The following ENTREP2 variants were observed in gnomAD, a reference collection of about 807,000 sequenced individuals.
ENTREP2 encodes endosomal transmembrane epsin interactor 2.
At chr15:29,460,900 C>T in the ENTREP2 span, among the ~76,000 whole-genome samples, 1 of 152,148 alleles carries the variant, frequency 6.6e-6, no homozygotes, top group Non-Finnish European at 1.5e-5. Flanking sequence ...TTTCTACGAA[C>T]TCTAGCAGGA....
the ENTREP2 span, among the ~76,000 whole-genome samples, chr15:29,502,231 G>GCTAC: frequency 1.3e-5 from 2 of 151,892 alleles, no homozygotes; most frequent in Non-Finnish European, 2.9e-5. Flanking sequence ...TTACTACAAT[G>GCTAC]CTACAGTAAT....
chr15:29,549,067 A>G, the ENTREP2 span, among the ~76,000 whole-genome samples: 2 of 152,144 alleles, frequency 1.3e-5, no homozygotes, highest in Admixed American at 6.5e-5. Context: ...AATCCTGTTC[A>G]TGTAAGACGA....
the ENTREP2 span, among the ~76,000 whole-genome samples, chr15:29,250,398 T>A: frequency 2.6e-5 from 4 of 152,282 alleles, no homozygotes; most frequent in Admixed American, 1.3e-4. Context: ...AACAGATGTA[T>A]GTGAGAGTAC....
the ENTREP2 span, among the ~76,000 whole-genome samples, chr15:29,341,769 G>A: frequency 6.6e-6 from 1 of 152,050 alleles, no homozygotes; most frequent in African/African-American, 2.4e-5. Context: ...GAAAAGAACC[G>A]GGAGAAGCAC....
the ENTREP2 span, among the ~76,000 whole-genome samples, chr15:29,313,982 C>G: frequency 1.3e-5 from 2 of 152,056 alleles, no homozygotes; most frequent in African/African-American, 4.8e-5. Flanking sequence ...TCAAAATTTC[C>G]GTGGAGGAAG....
chr15:29,590,556 C>A, the ENTREP2 span, among the ~76,000 whole-genome samples: 1 of 151,648 alleles, frequency 6.6e-6, no homozygotes, highest in Non-Finnish European at 1.5e-5. Context: ...TGGTGGCAGG[C>A]ACCTGTAGTC....
At chr15:29,339,632 A>C in the ENTREP2 span, among the ~76,000 whole-genome samples, 1 of 152,276 alleles carries the variant, frequency 6.6e-6, no homozygotes, top group Non-Finnish European at 1.5e-5. Context: ...AGTGGCCCCC[A>C]GCAGCACTCC....
the ENTREP2 span, among the ~76,000 whole-genome samples, chr15:29,154,469 A>G: frequency 6.6e-6 from 1 of 152,040 alleles, no homozygotes; most frequent in South Asian, 2.1e-4. Context: ...GAAAAAAAAA[A>G]GATTTAGAAT....
chr15:29,644,524 C>A, the ENTREP2 span, among the ~76,000 whole-genome samples: 6 of 152,136 alleles, frequency 3.9e-5, no homozygotes, highest in Middle Eastern at 3.2e-3. Flanking sequence ...GAGTCCTGGC[C>A]GGGCGCGGTG....
the ENTREP2 span, among the ~76,000 whole-genome samples, chr15:29,254,457 A>G: frequency 2.2e-3 from 333 of 152,282 alleles, no homozygotes; most frequent in African/African-American, 7.7e-3. Flanking sequence ...GATTGCTTAT[A>G]TGTGTGCAGT....
the ENTREP2 span, among the ~76,000 whole-genome samples, chr15:29,223,044 T>C: frequency 6.6e-6 from 1 of 152,122 alleles, no homozygotes; most frequent in Non-Finnish European, 1.5e-5. Context: ...CTTAACAAAT[T>C]ACTCTCCGTT....
the ENTREP2 span, among the ~76,000 whole-genome samples, chr15:29,485,967 T>C: frequency 1.3e-5 from 2 of 152,130 alleles, no homozygotes; most frequent in South Asian, 4.1e-4. Flanking sequence ...CTCAAAAAAG[T>C]AAAAACAGAA....
the ENTREP2 span, among the ~76,000 whole-genome samples, chr15:29,167,720 G>A: frequency 1.3e-5 from 2 of 152,198 alleles, no homozygotes; most frequent in Non-Finnish European, 2.9e-5. Context: ...CTGCTGGTGG[G>A]AATGTAAACT....
At chr15:29,655,056 C>A in the ENTREP2 span, among the ~76,000 whole-genome samples, 5 of 152,170 alleles carry the variant, frequency 3.3e-5, no homozygotes, top group Non-Finnish European at 5.9e-5. Context: ...GCTGCACCAT[C>A]TCAACAAACA....
chr15:29,358,775 C>T, the ENTREP2 span, among the ~76,000 whole-genome samples: 2 of 151,426 alleles, frequency 1.3e-5, no homozygotes, highest in African/African-American at 4.9e-5. Context: ...ACAGAAGTGC[C>T]GAAGAAACGT....
the ENTREP2 span, chr15:29,612,657 A>G: frequency 6.5e-6 from 1 of 152,912 alleles, no homozygotes; most frequent in African/African-American, 2.4e-5. Context: ...TGGTCATAGC[A>G]TGGACCTACC....
At chr15:29,250,471 AG>A in the ENTREP2 span, among the ~76,000 whole-genome samples, 1 of 152,202 alleles carries the variant, frequency 6.6e-6, no homozygotes, top group Non-Finnish European at 1.5e-5. Flanking sequence ...GGTAAGAAAT[AG>A]AGGAGACCAA....
chr15:29,585,622 C>T, the ENTREP2 span, among the ~76,000 whole-genome samples: 1 of 151,208 alleles, frequency 6.6e-6, no homozygotes, highest in South Asian at 2.1e-4. Flanking sequence ...TTTGGGAGGC[C>T]GAGGCCGGCA....
chr15:29,584,594 C>T, the ENTREP2 span, among the ~76,000 whole-genome samples: 1 of 152,028 alleles, frequency 6.6e-6, no homozygotes, highest in African/African-American at 2.4e-5. Context: ...TATGATCTCA[C>T]TTACATGTGG....
Sources: allele counts gnomAD v4.1 joint callset (sites outside exome capture counted in the v4.1 genomes callset), GRCh38; gene constraint gnomAD v4.1.1; transcripts MANE v1.5; gene names NCBI Gene and HGNC (gene_info 2026-07-23, HGNC 2026-07-21).